The following RGPD3 variants were observed in gnomAD, a reference collection of about 807,000 sequenced individuals.
The protein encoded by RGPD3 is ranBP2-like and GRIP domain-containing protein 3.
In RGPD3, 62 loss-of-function variants were observed where a neutral mutation model predicts 154.5. That is an observed-to-expected ratio of 0.40 (90% CI 0.33 to 0.50). The LOEUF is 0.50. Among genes scored for constraint, RGPD3 ranks in the 20% least tolerant of loss-of-function variants. The pLI, the probability that RGPD3 is intolerant of heterozygous loss-of-function variation, is 0.59. For synonymous variants in RGPD3, 308 were observed against 607.0 expected, an observed-to-expected ratio of 0.51 and a Z score of 7.24; for missense variants, 919 against 1,716.8, an observed-to-expected ratio of 0.54 and a Z score of 8.21.
In RGPD3 at chr2:106,423,787, G is replaced by A. The variant is rs201844567; in HGVS notation, c.4180C>T (p.Arg1394Cys). 1.8e-3 allele frequency: 2,878 copies of A among 1,611,798 alleles called. 8 individuals are homozygous for A. Among genetic ancestry groups the A allele is most frequent in the Non-Finnish European group, 2.4e-3 (2,775 of 1,179,866 alleles). ...ACTTGGTCCCTTCTCATCAGTATAC[G>A]AACGTGCTTATTATCATAATTCTGT... ...ILQNYDNKHV[R>C]ILMRRDQVLK... The change falls in exon 20 of 23, where the codon CGT becomes TGT. Residue 1394 changes from arginine (R) to cysteine (C), a missense_variant. Coordinates refer to ENST00000409886, the MANE Select transcript of RGPD3 (RefSeq NM_001144013.2).
upstream of RGPD3, among the ~76,000 whole-genome samples, chr2:106,469,841 T>A (rs1203572986): frequency 6.6e-6 from 1 of 152,214 alleles, no homozygotes; most frequent in Non-Finnish European, 1.5e-5. Context: ...CTAACTGGTC[T>A]CCTTATCTTT....
intron 7 of RGPD3, among the ~76,000 whole-genome samples, chr2:106,446,292 C>T (rs1031612973): frequency 2.1e-5 from 3 of 142,706 alleles, no homozygotes; most frequent in African/African-American, 5.2e-5. Context: ...AAAGGCTGGG[C>T]ATGGTGGCTC....
intron 2 of RGPD3, among the ~76,000 whole-genome samples, chr2:106,458,293 C>T (rs1257869741): frequency 2.0e-5 from 3 of 151,336 alleles, no homozygotes; most frequent in African/African-American, 7.2e-5. Flanking sequence ...TGAGGCCAGA[C>T]CTAAACTAAG....
At chr2:106,411,428 T>C (rs1204824732) in intron 22 of RGPD3, among the ~76,000 whole-genome samples, 1 of 140,500 alleles carries the variant, frequency 7.1e-6, no homozygotes, top group Non-Finnish European at 1.5e-5. Context: ...TACCCTGTAA[T>C]GATTAAAACC....
chr2:106,438,019 C>T lies in RGPD3; in HGVS notation c.1276+949G>A, dbSNP rs186102286. ...TGATCTTGGCTCACTGCAACCTCCA[C>T]CTCCCGGTTGAAGCGATTCTCCTGC... On this transcript the variant is annotated intron_variant, in intron 9 of 22. Coordinates refer to ENST00000409886, the MANE Select transcript of RGPD3 (RefSeq NM_001144013.2). Among the ~76,000 whole-genome samples, 444 of 152,362 alleles carry T rather than the reference C, an allele frequency of 2.9e-3. 1 individual carries two copies. The highest frequency in any genetic ancestry group is 0.01 in the African/African-American group (433 of 41,600).
intron 8 of RGPD3, among the ~76,000 whole-genome samples, chr2:106,439,946 A>T (rs1677688632): frequency 1.7e-5 from 2 of 119,232 alleles, no homozygotes; most frequent in East Asian, 4.8e-4. Flanking sequence ...GCAATCAAAA[A>T]ATCATAGTCC....
intron 8 of RGPD3, among the ~76,000 whole-genome samples, chr2:106,440,582 G>A (rs1677709855): frequency 7.6e-6 from 1 of 131,800 alleles, no homozygotes; most frequent in South Asian, 2.7e-4. Context: ...GAATAAAAGA[G>A]CAATGTGAGC....
At chr2:106,428,986 T>C (rs1267487831) in intron 18 of RGPD3, among the ~76,000 whole-genome samples, 3 of 151,542 alleles carry the variant, frequency 2.0e-5, no homozygotes, top group East Asian at 1.9e-4. Context: ...CTTTTGCACA[T>C]AGCCAACCCA....
chr2:106,448,005 A>G (rs1343078777), intron 6 of RGPD3, among the ~76,000 whole-genome samples: 1 of 151,564 alleles, frequency 6.6e-6, no homozygotes. Context: ...CAAATTAGAC[A>G]TAGCATTTCC....
At chr2:106,426,722 A>G (rs1317975431) in intron 18 of RGPD3, among the ~76,000 whole-genome samples, 1 of 152,266 alleles carries the variant, frequency 6.6e-6, no homozygotes, top group Non-Finnish European at 1.5e-5. Flanking sequence ...GTTAATGACA[A>G]AACTACCAAT....
Position 106,415,876 on chromosome 2 carries a change from TG to T in RGPD3, c.5037del (p.Asn1680MetfsTer15). 6.2e-7 allele frequency: 1 copy of T among 1,611,958 alleles called. No homozygotes were observed. Among genetic ancestry groups the T allele is most frequent in the East Asian group, 2.2e-5 (1 of 44,864 alleles). On this transcript the variant is annotated frameshift_variant, in exon 21 of 23. Coordinates refer to ENST00000409886, the MANE Select transcript of RGPD3 (RefSeq NM_001144013.2). LOFTEE classifies it high-confidence loss of function. ...TTAATTTGCTCCATAAGGACTGCAT[TG>T]GTTGCCTCTATTTCCCGAAGCAGGC... ...LNGLLREIEA[T>X]NAVLMEQIKL...
upstream of RGPD3, chr2:106,468,524 C>T (rs950583978): frequency 5.0e-6 from 4 of 803,154 alleles, no homozygotes; most frequent in Non-Finnish European, 7.5e-6. Flanking sequence ...GTGTCTTGCC[C>T]GCCGGGCGCC....
upstream of RGPD3, among the ~76,000 whole-genome samples, chr2:106,470,170 A>G (rs1434354997): frequency 6.6e-6 from 1 of 152,218 alleles, no homozygotes; most frequent in African/African-American, 2.4e-5. Context: ...AAAGGTTATT[A>G]TTGTTATCCA....
chr2:106,411,510 A>T (rs1231446125), intron 22 of RGPD3, among the ~76,000 whole-genome samples: 1 of 149,344 alleles, frequency 6.7e-6, no homozygotes, highest in African/African-American at 2.5e-5. Flanking sequence ...AAATATATTT[A>T]TATATATAAT....
Position 106,404,802 on chromosome 2 carries a change from TC to T in RGPD3, c.*416del. ...GAAACATTATTTTTAAAGCCTAAAT[TC>T]CAGTTGGTATGGTACCAAAATTTAG... On this transcript the variant is annotated 3_prime_UTR_variant, in exon 23 of 23. Transcript: ENST00000409886. 8.4e-6 allele frequency among the ~76,000 whole-genome samples: 1 copy of T among 119,448 alleles called. No individual in the cohort carries two copies. Among genetic ancestry groups the T allele is most frequent in the South Asian group, 3.4e-4 (1 of 2,926 alleles). The allele number at this position is 119,448 out of a possible 152,430, so 78.4% of individuals were successfully genotyped here.
chr2:106,425,400 A>G (rs1044063569), intron 19 of RGPD3, 134 bp from the exon 20 acceptor site: 7 of 1,253,486 alleles, frequency 5.6e-6, no homozygotes. Flanking sequence ...GATAACATTT[A>G]TTGAGCATTT....
At position 106,468,277 on chromosome 2, in the gene RGPD3, G is replaced by C. The variant is rs1678710961; in HGVS notation, c.12C>G (p.Ser4Arg). Residue 4 changes from serine to arginine, a missense_variant, in exon 1 of 23, where the codon AGC becomes AGG. Coordinates refer to ENST00000409886, the MANE Select transcript of RGPD3 (RefSeq NM_001144013.2). MSCSKAYGERYVAS... is the reference protein window; with the variant it reads MSCRKAYGERYVAS... The stretch of plus-strand genomic sequence containing the variant: ...CGACGTACCGCTCCCCGTAGGCCTT[G>C]CTGCAACTCATCGCGCCACCAACCT... 1.2e-6 allele frequency: 2 copies of C among 1,607,024 alleles called. No homozygotes were observed. Among genetic ancestry groups the C allele is most frequent in the African/African-American group, 2.7e-5 (2 of 74,762 alleles).
At chr2:106,466,289 G>T (rs1053808460) in intron 1 of RGPD3, among the ~76,000 whole-genome samples, 4 of 144,732 alleles carry the variant, frequency 2.8e-5, no homozygotes, top group African/African-American at 4.9e-5. Context: ...TGCGCCAGCC[G>T]GCGGGCGCCG....
chr2:106,424,896 T>C lies in RGPD3; in HGVS notation c.3071A>G (p.Asp1024Gly), dbSNP rs543645633. 2.5e-6 allele frequency: 4 copies of C among 1,611,820 alleles called. No individual in the cohort carries two copies. Among genetic ancestry groups the C allele is most frequent in the East Asian group, 4.5e-5 (2 of 44,832 alleles). The change falls in exon 20 of 23, where the codon GAT becomes GGT. Residue 1024 changes from aspartate to glycine, a missense_variant. Physicochemically the swap from Asp to Gly is moderately conservative, Grantham distance 94 (BLOSUM62 -1). Coordinates refer to ENST00000409886, the MANE Select transcript of RGPD3 (RefSeq NM_001144013.2). ...GTCCTCAGTCTTATAGGCATCATCA[T>C]CTTTCTCAAAGTCACCGGAAGTGTT... Reference protein sequence around the residue: ...KANTSGDFEKDDDAYKTEDSD... With the variant: ...KANTSGDFEKGDDAYKTEDSD...
Sources: allele counts gnomAD v4.1 joint callset (sites outside exome capture counted in the v4.1 genomes callset), GRCh38; gene constraint gnomAD v4.1.1; transcripts MANE v1.5; gene names NCBI Gene and HGNC (gene_info 2026-07-23, HGNC 2026-07-21).